Variants in RBPMS observed in about 807,000 individuals in gnomAD.
The protein encoded by RBPMS is RNA-binding protein with multiple splicing.
A neutral mutation model predicts 26.8 loss-of-function variants in RBPMS; 7 were observed. The observed-to-expected ratio is 0.26, with a 90% CI of 0.15 to 0.49. The LOEUF is 0.49. Ranked by LOEUF, RBPMS falls within the 20% of genes least tolerant of loss-of-function variation. The probability of loss-of-function intolerance (pLI) is 0.98; values close to 1 mark genes in which losing one functional copy is unlikely to be tolerated. For synonymous variants in RBPMS, 96 were observed against 93.3 expected, an observed-to-expected ratio of 1.03 and a Z score of -0.17; for missense variants, 186 against 250.0, an observed-to-expected ratio of 0.74 and a Z score of 1.73.
At chr8:30,466,597 C>CT (rs1161388621) in intron 1 of RBPMS, among the ~76,000 whole-genome samples, 3,924 of 138,754 alleles carry the variant, frequency 0.028, 95 homozygotes, top group African/African-American at 0.062. Context: ...TCTTTTTTTT[C>CT]TTTTTTTTTT....
Position 30,503,940 on chromosome 8 carries a change from C to T in RBPMS, c.247-346C>T, listed in dbSNP as rs548898206. On this transcript the variant is annotated intron_variant, in intron 4 of 8. Transcript: ENST00000397323. ...CTGAATATAATCTATTTTAGGTAAA[C>T]TGCAGGAATAGGGTCAGAGGTAACT... 3.9e-5 allele frequency among the ~76,000 whole-genome samples: 6 copies of T among 152,242 alleles called. No homozygotes were observed. The South Asian group carries it at 8.3e-4, about 21-fold the overall frequency.
chr8:30,481,322 C>A (rs10101637), intron 4 of RBPMS, among the ~76,000 whole-genome samples: 10,041 of 151,568 alleles, frequency 0.066, 1,013 homozygotes, highest in African/African-American at 0.22. Context: ...TGATAATAGT[C>A]AAAAAAAACT....
chr8:30,441,584 T>C (rs1813074444), intron 1 of RBPMS, among the ~76,000 whole-genome samples: 1 of 151,730 alleles, frequency 6.6e-6, no homozygotes, highest in African/African-American at 2.4e-5. Flanking sequence ...GATAAGGTGG[T>C]AGATCTCTTC....
intron 5 of RBPMS, among the ~76,000 whole-genome samples, chr8:30,531,632 G>C (rs1231419006): frequency 1.3e-5 from 2 of 152,200 alleles, no homozygotes; most frequent in African/African-American, 4.8e-5. Context: ...TCAGGAATGA[G>C]AGGGCAGGAG....
At chr8:30,439,914 T>C (rs1735183548) in intron 1 of RBPMS, among the ~76,000 whole-genome samples, 1 of 152,176 alleles carries the variant, frequency 6.6e-6, no homozygotes, top group African/African-American at 2.4e-5. Flanking sequence ...GTGCAGTGGC[T>C]TACGCCTGTA....
At chr8:30,435,300 T>C (rs1370253953) in intron 1 of RBPMS, among the ~76,000 whole-genome samples, 1 of 152,192 alleles carries the variant, frequency 6.6e-6, no homozygotes, top group African/African-American at 2.4e-5. Flanking sequence ...ATCTGCAAGG[T>C]ATCTCATTAT....
chr8:30,488,060 A>G (rs1404599773), intron 4 of RBPMS, among the ~76,000 whole-genome samples: 1 of 152,198 alleles, frequency 6.6e-6, no homozygotes, highest in African/African-American at 2.4e-5. Flanking sequence ...CTTTTCTACT[A>G]TAAACCTATG....
At chr8:30,431,426 TTCTCTTCTCTCC>T (rs1811923937) in intron 1 of RBPMS, among the ~76,000 whole-genome samples, 2 of 151,546 alleles carry the variant, frequency 1.3e-5, no homozygotes, top group Non-Finnish European at 2.9e-5. Context: ...CTCTTCTCTC[TTCTCTTCTCTCC>T]TCTCTTCTGT....
At chr8:30,538,168 A>G (rs1378176335) in intron 5 of RBPMS, among the ~76,000 whole-genome samples, 1 of 152,234 alleles carries the variant, frequency 6.6e-6, no homozygotes, top group Non-Finnish European at 1.5e-5. Flanking sequence ...TGCAGCACGT[A>G]GTACAGTTGG....
intron 4 of RBPMS, among the ~76,000 whole-genome samples, chr8:30,498,681 G>A (rs1380067463): frequency 1.3e-5 from 2 of 152,086 alleles, no homozygotes; most frequent in East Asian, 3.9e-4. Flanking sequence ...TTTTATAGTG[G>A]TATCGGTTAG....
At chr8:30,472,305 G>A (rs866095513) in intron 1 of RBPMS, among the ~76,000 whole-genome samples, 1 of 152,204 alleles carries the variant, frequency 6.6e-6, no homozygotes, top group Non-Finnish European at 1.5e-5. Context: ...GAAGCCAGAT[G>A]AAAAGGGTAC....
chr8:30,432,967 T>C (rs1332749261), intron 1 of RBPMS, among the ~76,000 whole-genome samples: 1 of 152,206 alleles, frequency 6.6e-6, no homozygotes, highest in Non-Finnish European at 1.5e-5. Flanking sequence ...GAACTAGACT[T>C]GAGTACGTTC....
At chr8:30,469,691 A>G (rs1585573347) in intron 1 of RBPMS, among the ~76,000 whole-genome samples, 2 of 152,380 alleles carry the variant, frequency 1.3e-5, no homozygotes, top group East Asian at 3.8e-4. Flanking sequence ...AGTGCCAGGC[A>G]CATCTGTGTC....
intron 1 of RBPMS, among the ~76,000 whole-genome samples, chr8:30,426,661 C>T (rs4383932): frequency 6.7e-6 from 1 of 150,090 alleles, no homozygotes; most frequent in Non-Finnish European, 1.5e-5. Flanking sequence ...TACTTTCTCA[C>T]TTTGCTTGCA....
chr8:30,544,515 T>G lies in RBPMS; in HGVS notation c.419T>G (p.Leu140Arg). The G allele has an allele frequency of 6.2e-7, 1 of 1,614,190 alleles. No individual in the cohort carries two copies. Among genetic ancestry groups the G allele is most frequent in the East Asian group, 2.2e-5 (1 of 44,886 alleles). Residue 140 changes from leucine to arginine, a missense_variant, in exon 6 of 9, where the codon CTT becomes CGT. Transcript: ENST00000397323. ...GCAGATGAGCTCACAGTGCCTGCAC[T>G]TTACCCCAGTAGCCCTGAAGTGTGG... is the stretch of plus-strand genomic sequence containing the variant. ...REPYELTVPA[L>R]YPSSPEVWAP...
intron 1 of RBPMS, chr8:30,387,264 G>T (rs1205516536): frequency 6.6e-6 from 1 of 152,214 alleles, no homozygotes; most frequent in Admixed American, 6.5e-5. Flanking sequence ...ACCGTGAAGA[G>T]AGGGGGGTTT....
chr8:30,408,062 C>T (rs1808856329), intron 1 of RBPMS, among the ~76,000 whole-genome samples: 1 of 152,152 alleles, frequency 6.6e-6, no homozygotes, highest in East Asian at 1.9e-4. Flanking sequence ...TGACCAGTTA[C>T]AGGATCCTTA....
intron 4 of RBPMS, among the ~76,000 whole-genome samples, chr8:30,503,179 T>C (rs1490129977): frequency 6.6e-6 from 1 of 152,178 alleles, no homozygotes; most frequent in African/African-American, 2.4e-5. Context: ...CTCTTCCTTG[T>C]ATACTTGAAG....
intron 1 of RBPMS, among the ~76,000 whole-genome samples, chr8:30,395,519 C>G (rs1038702569): frequency 9.5e-6 from 1 of 104,778 alleles, no homozygotes; most frequent in Non-Finnish European, 1.8e-5. Flanking sequence ...GTAATCAAAC[C>G]TGTAAAAACA....
Sources: allele counts gnomAD v4.1 joint callset (sites outside exome capture counted in the v4.1 genomes callset), GRCh38; gene constraint gnomAD v4.1.1; transcripts MANE v1.5; gene names NCBI Gene and HGNC (gene_info 2026-07-23, HGNC 2026-07-21).